Variants in KARS1 observed in about 807,000 individuals in gnomAD.
KARS1 encodes the protein lysine--tRNA ligase.
Under a neutral mutation model 63.9 loss-of-function variants are expected in KARS1, and 50 were observed. That is an observed-to-expected ratio of 0.78 (90% CI 0.62 to 0.99). KARS1 has a LOEUF of 0.99. KARS1 is among the 50% of genes least tolerant of loss of function. The pLI, the probability that KARS1 is intolerant of heterozygous loss-of-function variation, is 0.00. For synonymous variants in KARS1, 320 were observed against 264.6 expected (o/e 1.21, Z -2.03); for missense variants, 816 against 754.5 (o/e 1.08, Z -0.95).
intron 1 of KARS1, among the ~76,000 whole-genome samples, chr16:75,643,715 G>C (rs1761885228): frequency 6.6e-6 from 1 of 152,204 alleles, no homozygotes; most frequent in Non-Finnish European, 1.5e-5. Flanking sequence ...AACAGATTCT[G>C]AATGGTTTCA....
chr16:75,644,535 G>C (rs2082260377), intron 1 of KARS1: 1 of 1,100,974 alleles, frequency 9.1e-7, no homozygotes. Flanking sequence ...CTCTCTTATG[G>C]GTTGGGGAGG....
rs1014713810 is a variant in KARS1 at position 75,644,332 on chromosome 16, C to G, written c.63-2609G>C. ...TCCTTGTGAGGCGCTGTGAAAGGAGCAAGTTGACCCAGTCGCAGTTCCCTG... is the reference window on the plus strand; with the variant it reads ...TCCTTGTGAGGCGCTGTGAAAGGAGGAAGTTGACCCAGTCGCAGTTCCCTG... On this transcript the variant is annotated intron_variant, in intron 1 of 13. Transcript: ENST00000302445. 7 of 1,609,142 alleles carry G rather than the reference C, an allele frequency of 4.4e-6. No homozygotes were observed. In the Middle Eastern group the frequency reaches 5.0e-4, roughly 114 times the overall value.
chr16:75,647,241 G>A (rs530274303), intron 1 of KARS1, among the ~76,000 whole-genome samples: 1 of 152,350 alleles, frequency 6.6e-6, no homozygotes, highest in Admixed American at 6.5e-5. Context: ...ACAAAAGAAT[G>A]CATTTCTCAG....
chr16:75,631,050 A>C, intron 10 of KARS1, 118 bp downstream of exon 10: 1 of 768,044 alleles, frequency 1.3e-6, no homozygotes, highest in Non-Finnish European at 2.3e-6. Context: ...TTCTCTCTCT[A>C]GGGTTTTCCT....
intron 1 of KARS1, 188 bp downstream of exon 1, chr16:75,647,390 G>T: frequency 1.5e-6 from 1 of 667,052 alleles, no homozygotes; most frequent in Non-Finnish European, 2.7e-6. Context: ...TGGGAACGGG[G>T]AGCCGGCGTG....
intron 3 of KARS1, among the ~76,000 whole-genome samples, chr16:75,638,017 C>A (rs765876045): frequency 5.9e-5 from 9 of 151,776 alleles, no homozygotes; most frequent in African/African-American, 1.9e-4. Flanking sequence ...AGGGAGCTCA[C>A]TGGAAAAACG....
chr16:75,628,463 C>A, intron 13 of KARS1, 106 bp downstream of exon 13: 1 of 1,320,840 alleles, frequency 7.6e-7, no homozygotes, highest in Non-Finnish European at 1.1e-6. Context: ...CTCCTCTTCC[C>A]AGCCCAAAGC....
intron 9 of KARS1, 62 bp downstream of exon 9, chr16:75,631,354 C>A: frequency 1.3e-6 from 2 of 1,588,382 alleles, no homozygotes; most frequent in South Asian, 1.1e-5. Context: ...CTGACCCAAT[C>A]AAATTCAGAG....
chr16:75,642,527 G>C (rs538420979), intron 1 of KARS1, among the ~76,000 whole-genome samples: 5 of 152,086 alleles, frequency 3.3e-5, no homozygotes, highest in African/African-American at 1.2e-4. Flanking sequence ...ACATGATAAG[G>C]CAACATCTCC....
At position 75,644,257 on chromosome 16, in the gene KARS1, C is replaced by T. The variant is rs746771855; in HGVS notation, c.63-2534G>A. ...AAGGAAATAATTTTTGCTTCCAGAG[C>T]AATAAAGAAGGTAATGGGCACCAAC... On this transcript the variant is annotated intron_variant, in intron 1 of 13. Transcript: ENST00000302445. 6 of 1,573,952 alleles carry T rather than the reference C, an allele frequency of 3.8e-6. No homozygotes were observed. In the South Asian group the frequency reaches 7.0e-5, roughly 18 times the overall value.
Position 75,634,282 on chromosome 16 carries a change from G to T in KARS1, c.806C>A (p.Pro269His). ...DELGFLEIET[P>H]MMNIIPGGAV... ...TCCCCCTGGGATGATGTTCATCATG[G>T]GAGTTTCAATCTAAAAAAGGCAGGG... Residue 269 changes from proline to histidine, a missense_variant, in exon 7 of 14, where the codon CCC becomes CAC. Pro to His is a moderately conservative substitution (Grantham distance 77, BLOSUM62 -2). Transcript: ENST00000302445. 6.2e-7 allele frequency: 1 copy of T among 1,614,000 alleles called. No individual in the cohort carries two copies. Among genetic ancestry groups the T allele is most frequent in the Non-Finnish European group, 8.5e-7 (1 of 1,179,926 alleles).
At position 75,631,707 on chromosome 16, in the gene KARS1, T is replaced by A. The variant is rs2082116066; in HGVS notation, c.1064A>T (p.Glu355Val). ...ADYHDLMEITEKMVSGMVKHI... is the reference protein window; with the variant it reads ...ADYHDLMEITVKMVSGMVKHI... ...GCAGGAGTCACCTGAAACCATCTTC[T>A]CCGTGATTTCCATGAGATCGTGATA... The change falls in exon 8 of 14, where the codon GAG becomes GTG. Residue 355 changes from glutamate (E) to valine (V), a missense_variant. Physicochemically the swap from Glu to Val is moderately radical, Grantham distance 121. Coordinates refer to ENST00000302445, the MANE Select transcript of KARS1 (RefSeq NM_005548.3). The A allele has an allele frequency of 1.6e-5, 26 of 1,614,200 alleles. No homozygotes were observed. Among genetic ancestry groups the A allele is most frequent in the Non-Finnish European group, 2.2e-5 (26 of 1,180,028 alleles).
chr16:75,644,573 C>G (rs1158295548), intron 1 of KARS1: 1 of 662,878 alleles, frequency 1.5e-6, no homozygotes, highest in East Asian at 2.8e-5. Flanking sequence ...ACCTTTTAGT[C>G]CCATTTAACT....
In KARS1 at chr16:75,629,403, C is replaced by T. The variant is rs777510165; in HGVS notation, c.1551+12G>A. 1 of 1,613,818 alleles carries T rather than the reference C, an allele frequency of 6.2e-7. No individual in the cohort carries two copies. The highest frequency in any genetic ancestry group is 1.1e-5 in the South Asian group (1 of 91,036). ...AGTTGGCACAGCTTCTGCTCACAGT[C>T]CCCTTTCTCACCTTGGCCTGTTCTT... On this transcript the variant is annotated intron_variant, in intron 12 of 13. Coordinates refer to ENST00000302445, the MANE Select transcript of KARS1 (RefSeq NM_005548.3).
At position 75,645,556 on chromosome 16, in the gene KARS1, AGT is replaced by A. The variant is rs369852490; in HGVS notation, c.62+2020_62+2021del. Among the ~76,000 whole-genome samples the A allele has an allele frequency of 6.8e-3, 1,043 of 152,328 alleles. 12 individuals carry two copies. The highest frequency in any genetic ancestry group is 0.024 in the African/African-American group (1,001 of 41,564). Reference sequence around the variant, plus strand: ...TAGTAGCTGTATTTAATTTTAGAAAAGTCAGTGAAGCAGGGAGTGGTGGCTCA... The same window carrying A: ...TAGTAGCTGTATTTAATTTTAGAAAACAGTGAAGCAGGGAGTGGTGGCTCA... On this transcript the variant is annotated intron_variant, in intron 1 of 13. Coordinates refer to ENST00000302445, the MANE Select transcript of KARS1 (RefSeq NM_005548.3).
At chr16:75,647,487 C>G (rs1370008387) in intron 1 of KARS1, 91 bp downstream of exon 1, 8 of 1,237,406 alleles carry the variant, frequency 6.5e-6, no homozygotes, top group Non-Finnish European at 9.3e-6. Context: ...CAAGAAGGCC[C>G]CGGCACAGCA....
chr16:75,633,906 C>T, intron 7 of KARS1: 2 of 421,712 alleles, frequency 4.7e-6, no homozygotes, highest in South Asian at 4.1e-5. Flanking sequence ...AAGACTTTAT[C>T]TTAAAAGTTT....
intron 1 of KARS1, 120 bp downstream of exon 1, chr16:75,647,458 G>C (rs913710550): frequency 2.2e-6 from 2 of 921,364 alleles, no homozygotes; most frequent in African/African-American, 3.3e-5. Flanking sequence ...CTCAGCATGT[G>C]CGTACCCACG....
intron 6 of KARS1, 58 bp downstream of exon 6, chr16:75,635,622 G>A: frequency 2.5e-6 from 4 of 1,595,964 alleles, no homozygotes; most frequent in Non-Finnish European, 3.4e-6. Context: ...AGGCAAGGGA[G>A]AGGAGGAGGC....
Sources: allele counts gnomAD v4.1 joint callset (sites outside exome capture counted in the v4.1 genomes callset), GRCh38; gene constraint gnomAD v4.1.1; transcripts MANE v1.5; gene names NCBI Gene and HGNC (gene_info 2026-07-23, HGNC 2026-07-21).